PODNL1: variants seen among roughly 807,000 people sequenced by gnomAD.
The protein encoded by PODNL1 is podocan like 1, also known as podocan-like protein 1.
Under a neutral mutation model 45.1 loss-of-function variants are expected in PODNL1, and 50 were observed. The ratio of observed to expected loss-of-function variants is 1.11; its 90% CI spans 0.88 to 1.40. The LOEUF (loss-of-function observed/expected upper bound fraction) is 1.40, where lower values mean the gene tolerates loss of function less well. Ranked by LOEUF, PODNL1 falls within the 40% of genes most tolerant of loss-of-function variation. The pLI is 0.00. For synonymous variants in PODNL1, 406 were observed against 372.5 expected (o/e 1.09, Z -1.04); for missense variants, 788 against 793.3 (o/e 0.99, Z 0.08).
At chr19:13,952,546 G>T in intron 1 of PODNL1, 1 of 1,261,990 alleles carries the variant, frequency 7.9e-7, no homozygotes, top group Non-Finnish European at 1.0e-6. Flanking sequence ...GCGGAACAGC[G>T]GGGCTGGGAG....
upstream of PODNL1, among the ~76,000 whole-genome samples, chr19:13,939,651 C>T (rs1660394951): frequency 6.6e-6 from 1 of 151,988 alleles, no homozygotes; most frequent in African/African-American, 2.4e-5. Context: ...CTTTGGGAGG[C>T]TTAGGCAGGC....
rs769672864 is a variant in PODNL1, at chr19:13,933,500, G to GCACTTGTA, written c.768-46_768-45insTACAAGTG. On this transcript the variant is annotated intron_variant, in intron 7 of 9. Transcript: ENST00000588872. The surrounding 1 kb of genome is among the most constrained non-coding windows in gnomAD (Gnocchi z 5.2). The stretch of plus-strand genomic sequence containing the variant: ...GTGTTAGGTGGGGCACTTGGAGTGG[G>GCACTTGTA]GTGCCTGACAGATTTTGGCGGGGAG... 6.6e-7 allele frequency: 1 copy of GCACTTGTA among 1,510,392 alleles called. No homozygotes were observed. The highest frequency in any genetic ancestry group is 2.1e-5 in the Admixed American group (1 of 47,440). 93.6% of individuals were successfully genotyped at this position (1,510,392 alleles called of 1,614,324 possible).
chr19:13,935,889 C>T (rs925376434), intron 4 of PODNL1, 59 bp from the exon 5 acceptor site: 1 of 1,547,114 alleles, frequency 6.5e-7, no homozygotes, highest in Non-Finnish European at 8.8e-7. Flanking sequence ...CCACCACTTC[C>T]CCAGCAGAGC....
intron 2 of PODNL1, 115 bp from the exon 3 acceptor site, chr19:13,936,575 C>T (rs1019735305): frequency 3.9e-5 from 29 of 751,034 alleles, no homozygotes; most frequent in Non-Finnish European, 5.9e-5. Flanking sequence ...ATCACCCCCA[C>T]AGTTAATCCC....
intron 1 of PODNL1, among the ~76,000 whole-genome samples, chr19:13,947,170 GAAAAAAAAAAA>G (rs758733245): frequency 4.8e-4 from 13 of 27,040 alleles, no homozygotes; most frequent in African/African-American, 9.0e-4. Context: ...CTCCATCTCA[GAAAAAAAAAAA>G]AAAAAAAAAA....
At chr19:13,953,019 C>A in intron 1 of PODNL1, 1 of 1,338,492 alleles carries the variant, frequency 7.5e-7, no homozygotes, top group Non-Finnish European at 1.0e-6. Context: ...ACCTTCCCGC[C>A]CCCTTTGCAG....
In PODNL1 at chr19:13,934,310, G is replaced by A; in HGVS notation, c.595C>T (p.Gln199Ter). Residue 199 changes from glutamine to a stop codon, truncating the protein, a stop_gained, in exon 6 of 10, where the codon CAG becomes TAG. Transcript: ENST00000588872. LOFTEE classifies it high-confidence loss of function. The part of the protein sequence containing the change: ...AIATLSLSNN[Q>*]LSYLPPSLPP... ...AGGCTGGGCGGCAGGTAGCTGAGCT[G>A]GTTGTTGGAGAGGCTGAGGGTGGCG... 1 of 1,549,076 alleles carries A rather than the reference G, an allele frequency of 6.5e-7. No homozygotes were observed. The highest frequency in any genetic ancestry group is 2.3e-5 in the East Asian group (1 of 43,590).
chr19:13,937,974 CG>C lies in PODNL1; in HGVS notation c.35del (p.Pro12ArgfsTer139), dbSNP rs1568438006. On this transcript the variant is annotated frameshift_variant, in exon 2 of 10. Coordinates refer to ENST00000588872, the MANE Select transcript of PODNL1 (RefSeq NM_001370095.3). LOFTEE classifies it high-confidence loss of function. ...WPSLLLLLLL[P>X]GPPPVAGLED... ...CCAAGCCGGCGACGGGCGGGGGCCC[CG>C]GCAACAGCAGGAGCAGCAGCAGGCT... 3.2e-6 allele frequency: 5 copies of C among 1,540,182 alleles called. No individual in the cohort carries two copies. The highest frequency in any genetic ancestry group is 1.2e-5 in the South Asian group (1 of 83,722).
At position 13,937,890 on chromosome 19, in the gene PODNL1, G is replaced by A. The variant is rs1363344030; in HGVS notation, c.120C>T (p.Pro40=). The change falls in exon 2 of 10, where the codon CCC becomes CCT. Residue 40 remains proline, a synonymous_variant. Coordinates refer to ENST00000588872, the MANE Select transcript of PODNL1 (RefSeq NM_001370095.3). ...CGACTCGGGGGCAGGAGCAGCGCAG[G>A]GGACAGGCCCGGGGCAGGGGCTGCA... ...ESLQPLPRAC[P]LRCSCPRVDT... 14 of 1,577,456 alleles carry A rather than the reference G, an allele frequency of 8.9e-6. No homozygotes were observed. The highest frequency in any genetic ancestry group is 1.3e-5 in the African/African-American group (1 of 74,468).
Position 13,949,876 on chromosome 19 carries a change from T to A in PODNL1, c.18+3243A>T, listed in dbSNP as rs192955907. Among the ~76,000 whole-genome samples the A allele has an allele frequency of 8.2e-4, 125 of 151,926 alleles. 2 individuals are homozygous for A. Among genetic ancestry groups the A allele is most frequent in the Admixed American group, 4.1e-3 (62 of 15,230 alleles). ...ACTCCGCTAAATTATTTATTTATTT[T>A]TTTTTTGAGAGTCTTGCTCTGTCAC... On this transcript the variant is annotated intron_variant, in intron 1 of 7. Coordinates refer to the PODNL1 transcript ENST00000538371.
rs572326843 is a variant in PODNL1 at position 13,933,352 on chromosome 19, G to C, written c.871C>G (p.Arg291Gly). 1.1e-5 allele frequency: 18 copies of C among 1,607,328 alleles called. No individual in the cohort carries two copies. Among genetic ancestry groups the C allele is most frequent in the Non-Finnish European group, 1.5e-5 (18 of 1,179,072 alleles). The change falls in exon 8 of 10, where the codon CGC becomes GGC. Residue 291 changes from arginine to glycine, a missense_variant. By Grantham distance (125) the Arg-to-Gly change is moderately radical. Coordinates refer to ENST00000588872, the MANE Select transcript of PODNL1 (RefSeq NM_001370095.3). The surrounding 1 kb of genome is among the most constrained non-coding windows in gnomAD (Gnocchi z 5.2). ...TLAILHLGRN[R>G]IRQVEAARLH... ...CGAGCCGCCTCCACCTGCCGGATGC[G>C]GTTGCGGCCCAGGTGCAGGATAGCC...
chr19:13,932,373 T>A (rs1317023097), intron 8 of PODNL1: 25 of 494,540 alleles, frequency 5.1e-5, no homozygotes, highest in Non-Finnish European at 8.0e-5. Context: ...ATCACTTTTT[T>A]TTTCAAGAGA....
Position 13,933,533 on chromosome 19 carries a change from A to T in PODNL1, c.768-78T>A. 3.6e-6 allele frequency: 5 copies of T among 1,405,394 alleles called. No homozygotes were observed. Among genetic ancestry groups the T allele is most frequent in the Non-Finnish European group, 3.8e-6 (4 of 1,047,216 alleles). 87.1% of individuals were successfully genotyped at this position (1,405,394 alleles called of 1,614,324 possible). A position where few individuals can be genotyped will look rare whatever the true frequency, so the allele number is the denominator to read the frequency against. The stretch of plus-strand genomic sequence containing the variant: ...ACAGATTTTGGCGGGGAGGCTGGGG[A>T]GTGGTCCTGAGACAGATTTAAGCTG... On this transcript the variant is annotated intron_variant, in intron 7 of 9. Coordinates refer to ENST00000588872, the MANE Select transcript of PODNL1 (RefSeq NM_001370095.3). The surrounding 1 kb of genome is among the most constrained non-coding windows in gnomAD (Gnocchi z 5.2).
Position 13,931,783 on chromosome 19 carries a change from C to T in PODNL1, c.1679G>A (p.Arg560Gln), listed in dbSNP as rs1001902239. Residue 560 changes from arginine (R) to glutamine (Q), a missense_variant, in exon 10 of 10, where the codon CGG becomes CAG. By Grantham distance (43) the Arg-to-Gln change is conservative (BLOSUM62 1). Around this residue, in one of 3 missense-constraint regions of PODNL1, gnomAD observed 9 missense variants for 25.6 expected, o/e 0.35. Coordinates refer to ENST00000588872, the MANE Select transcript of PODNL1 (RefSeq NM_001370095.3). ...TAGNPEQVLI[R>Q]LPPTTPRGPR... is the part of the protein sequence containing the mutation. Reference sequence around the variant, plus strand: ...CCCACGTGGGGTGGTGGGAGGCAGCCGGATCAGGACCTGCTCCGGATTCCC... The same window carrying T: ...CCCACGTGGGGTGGTGGGAGGCAGCTGGATCAGGACCTGCTCCGGATTCCC... 265 of 1,231,732 alleles carry T rather than the reference C, an allele frequency of 2.2e-4. No homozygotes were observed. Among genetic ancestry groups the T allele is most frequent in the Non-Finnish European group, 2.2e-4 (220 of 987,944 alleles). The allele number at this position is 1,231,732 out of a possible 1,614,324, so 76.3% of individuals were successfully genotyped here.
Position 13,931,578 on chromosome 19 carries a change from G to A in PODNL1, c.*159C>T, listed in dbSNP as rs1249075308. On this transcript the variant is annotated 3_prime_UTR_variant, in exon 10 of 10. Coordinates refer to ENST00000588872, the MANE Select transcript of PODNL1 (RefSeq NM_001370095.3). Reference sequence around the variant, plus strand: ...TGGTCTGTGAGCCTGGAGTATGCCAGCTGTGTGCCTCTGTGTCTCGGCCAG... The same window carrying A: ...TGGTCTGTGAGCCTGGAGTATGCCAACTGTGTGCCTCTGTGTCTCGGCCAG... 3.9e-6 allele frequency: 3 copies of A among 768,420 alleles called. No individual in the cohort carries two copies. Among genetic ancestry groups the A allele is most frequent in the Non-Finnish European group, 5.3e-6 (3 of 565,500 alleles). The allele number at this position is 768,420 out of a possible 1,614,324, so 47.6% of individuals were successfully genotyped here. A position where few individuals can be genotyped will look rare whatever the true frequency, so the allele number is the denominator to read the frequency against.
At chr19:13,937,394 A>G (rs1454946797) in intron 2 of PODNL1, among the ~76,000 whole-genome samples, 8 of 22,642 alleles carry the variant, frequency 3.5e-4, no homozygotes, top group Middle Eastern at 0.031. Flanking sequence ...CATCACCCCC[A>G]CAATTGACCC....
intron 1 of PODNL1, among the ~76,000 whole-genome samples, chr19:13,946,214 G>C (rs996336375): frequency 7.9e-5 from 12 of 151,956 alleles, no homozygotes; most frequent in African/African-American, 2.7e-4. Flanking sequence ...GGCGGATCAC[G>C]AGGTAAGGAG....
At chr19:13,941,319 T>C (rs1212311162), upstream of PODNL1, among the ~76,000 whole-genome samples, 2 of 135,028 alleles carry the variant, frequency 1.5e-5, no homozygotes, top group Non-Finnish European at 3.0e-5. Flanking sequence ...TGAGCCGAGA[T>C]CACACCACTG....
At position 13,933,812 on chromosome 19, in the gene PODNL1, G is replaced by T; in HGVS notation, c.767+66C>A. ...TGGCTTAGGAGCCAGTCAGGGAAGG[G>T]GGACTGAAGGTTGGGACCCCCGACT... On this transcript the variant is annotated intron_variant, in intron 7 of 9. Transcript: ENST00000588872. This position sits in a 1 kb window ranked among gnomAD's most constrained non-coding sequence, Gnocchi z 5.2. The T allele has an allele frequency of 7.3e-7, 1 of 1,363,046 alleles. No homozygotes were observed. 84.4% of individuals were successfully genotyped at this position (1,363,046 alleles called of 1,614,324 possible).
Sources: gnomAD v4.1 joint callset for allele counts (sites outside exome capture counted in the v4.1 genomes callset) on GRCh38, gnomAD v4.1.1 for gene constraint, gnomAD v4.1.1 regional missense constraint, Gnocchi (gnomAD v3.1) non-coding constraint, MANE v1.5 for transcripts, NCBI Gene and HGNC (gene_info 2026-07-23, HGNC 2026-07-21) for gene names.